Variants in GRIN1 observed in about 807,000 individuals in gnomAD.
The protein encoded by GRIN1 is glutamate receptor ionotropic, NMDA 1.
A neutral mutation model predicts 103.0 loss-of-function variants in GRIN1; 38 were observed. That is an observed-to-expected ratio of 0.37 (90% CI 0.28 to 0.48). GRIN1 has a LOEUF of 0.48. Ranked by LOEUF, GRIN1 falls within the 20% of genes least tolerant of loss-of-function variation. The pLI is 0.98. For missense variants in GRIN1, 577 were observed against 1,288.9 expected (o/e 0.45, Z 8.46); for synonymous variants, 544 against 532.7 (o/e 1.02, Z -0.29).
intron 4 of GRIN1, among the ~76,000 whole-genome samples, chr9:137,152,240 T>C (rs542808874): frequency 6.6e-6 from 1 of 152,320 alleles, no homozygotes; most frequent in Non-Finnish European, 1.5e-5. Context: ...CTGAATTGTT[T>C]ACACTTCCCT....
chr9:137,161,932 C>G lies in GRIN1; in HGVS notation c.1476C>G (p.Asn492Lys). 1 of 1,561,640 alleles carries G rather than the reference C, an allele frequency of 6.4e-7. No individual in the cohort carries two copies. Among genetic ancestry groups the G allele is most frequent in the South Asian group, 1.2e-5 (1 of 84,932 alleles). Reference protein sequence around the residue: ...GKFGTQERVNNSNKKEWNGMM... With the variant: ...GKFGTQERVNKSNKKEWNGMM... ...GCTCTGTCGCCTCGCAGGTGAACAA[C>G]AGCAACAAGAAGGAGTGGAATGGGA... Residue 492 changes from asparagine (N) to lysine (K), a missense_variant, in exon 11 of 20, where the codon AAC (asparagine) becomes AAG (lysine). Around this residue, in one of 9 missense-constraint regions of GRIN1, gnomAD observed 96 missense variants for 145.0 expected, o/e 0.66. Coordinates refer to ENST00000371561, the MANE Select transcript of GRIN1 (RefSeq NM_007327.4).
In GRIN1 at chr9:137,145,366, A is replaced by G. The variant is rs13299766; in HGVS notation, c.394-360A>G. The stretch of plus-strand genomic sequence containing the variant: ...GTCCAGAAAGTGTCCCCAGGGTGGT[A>G]GGGACAGGGGTGGGAGACACGAGGG... On this transcript the variant is annotated intron_variant, in intron 2 of 19. Coordinates refer to ENST00000371561, the MANE Select transcript of GRIN1 (RefSeq NM_007327.4). 1.1e-4 allele frequency among the ~76,000 whole-genome samples: 10 copies of G among 88,124 alleles called. No individual in the cohort carries two copies. The South Asian group carries it at 2.8e-3, about 25-fold the overall frequency. 57.8% of individuals were successfully genotyped at this position (88,124 alleles called of 152,430 possible).
chr9:137,165,438 A>AGCCC, intron 19 of GRIN1, 142 bp downstream of exon 19: 1 of 695,308 alleles, frequency 1.4e-6, no homozygotes, highest in East Asian at 2.7e-5. Flanking sequence ...CGCTCTGCCC[A>AGCCC]GCCCGCCCAT....
chr9:137,154,432 C>CTT lies in GRIN1; in HGVS notation c.672-2199_672-2198dup, dbSNP rs543160973. Among the ~76,000 whole-genome samples, 70 of 43,008 alleles carry CTT rather than the reference C, an allele frequency of 1.6e-3. 5 individuals are homozygous for CTT. Among genetic ancestry groups the CTT allele is most frequent in the East Asian group, 4.0e-3 (4 of 988 alleles). 28.2% of individuals were successfully genotyped at this position (43,008 alleles called of 152,430 possible). A position where few individuals can be genotyped will look rare whatever the true frequency, so the allele number is the denominator to read the frequency against. On this transcript the variant is annotated intron_variant, in intron 4 of 19. Coordinates refer to ENST00000371561, the MANE Select transcript of GRIN1 (RefSeq NM_007327.4). ...CAGCCACCACCCCCAGCTCCAACAA[C>CTT]TTTTTTTTTTTTTTTTTTTTTTTTT... is the stretch of plus-strand genomic sequence containing the variant.
Position 137,139,399 on chromosome 9 carries a change from G to A in GRIN1, c.-88G>A. ...GCGTCCGCAGCCCGCGGGGCCGGGC[G>A]AGCGCAGGACGGCCCGGAAGCCCCG... On this transcript the variant is annotated 5_prime_UTR_variant, in exon 1 of 20. Coordinates refer to ENST00000371561, the MANE Select transcript of GRIN1 (RefSeq NM_007327.4). This position sits in a 1 kb window ranked among gnomAD's most constrained non-coding sequence, Gnocchi z 7.7. 1.1e-6 allele frequency: 1 copy of A among 890,752 alleles called. No homozygotes were observed. The highest frequency in any genetic ancestry group is 5.4e-5 in the South Asian group (1 of 18,490). 55.2% of individuals were successfully genotyped at this position (890,752 alleles called of 1,614,324 possible). A position where few individuals can be genotyped will look rare whatever the true frequency, so the allele number is the denominator to read the frequency against.
At chr9:137,148,075 C>A in intron 3 of GRIN1, 1 of 993,188 alleles carries the variant, frequency 1.0e-6, no homozygotes. Context: ...GGTGTGATTG[C>A]TTTAGCGCCG....
chr9:137,161,800 C>A (rs1833567718), intron 10 of GRIN1, 124 bp from the exon 11 acceptor site: 3 of 1,009,440 alleles, frequency 3.0e-6, no homozygotes, highest in Non-Finnish European at 4.5e-6. Context: ...GTGGGGCCTG[C>A]GAGCTGGGTA....
chr9:137,168,438 C>A lies in GRIN1; in HGVS notation c.*911C>A. The stretch of plus-strand genomic sequence containing the variant: ...CCTCCAGACTCGAGAGGGCTGAGCC[C>A]CTCCTCTCCTCGTCCGGCCTGCAGC... On this transcript the variant is annotated 3_prime_UTR_variant, in exon 20 of 20. Transcript: ENST00000371561. 1.1e-5 allele frequency: 2 copies of A among 187,016 alleles called. No individual in the cohort carries two copies. Among genetic ancestry groups the A allele is most frequent in the Admixed American group, 6.1e-5 (1 of 16,280 alleles). 11.6% of individuals were successfully genotyped at this position (187,016 alleles called of 1,614,324 possible). A position where few individuals can be genotyped will look rare whatever the true frequency, so the allele number is the denominator to read the frequency against.
At chr9:137,151,873 C>T (rs1356449095) in intron 4 of GRIN1, among the ~76,000 whole-genome samples, 2 of 148,166 alleles carry the variant, frequency 1.3e-5, no homozygotes, top group Non-Finnish European at 3.0e-5. Flanking sequence ...ACCATGTTGG[C>T]CAGACTGGTC....
intron 2 of GRIN1, among the ~76,000 whole-genome samples, chr9:137,144,412 T>G (rs1025727350): frequency 1.3e-4 from 19 of 150,174 alleles, no homozygotes; most frequent in Non-Finnish European, 2.5e-4. Flanking sequence ...CCCAGCACTT[T>G]GGGAGGCCGA....
At position 137,165,295 on chromosome 9, in the gene GRIN1, C is replaced by T. The variant is rs767651510; in HGVS notation, c.2699C>T (p.Thr900Met). Residue 900 changes from threonine (T) to methionine (M), a missense_variant and splice_region_variant, in exon 19 of 20, where the codon ACG becomes ATG. Coordinates refer to ENST00000371561, the MANE Select transcript of GRIN1 (RefSeq NM_007327.4). ...AAGAGGCGTAGGTCCTCCAAAGACA[C>T]GGTAAGGGGGAGAGCACCCCAGTCC... is the stretch of plus-strand genomic sequence containing the variant. ...SFKRRRSSKD[T>M]STGGGRGALQ... The T allele has an allele frequency of 3.2e-6, 5 of 1,586,764 alleles. No homozygotes were observed. The highest frequency in any genetic ancestry group is 1.3e-5 in the African/African-American group (1 of 74,358).
At chr9:137,152,891 A>G (rs866369014) in intron 4 of GRIN1, among the ~76,000 whole-genome samples, 1 of 152,072 alleles carries the variant, frequency 6.6e-6, no homozygotes, top group African/African-American at 2.4e-5. Context: ...TGTACAGGTC[A>G]TACACAACAC....
rs1832042918 is a variant in GRIN1, at chr9:137,139,429, G to A, written c.-58G>A. On this transcript the variant is annotated 5_prime_UTR_variant, in exon 1 of 20. Coordinates refer to ENST00000371561, the MANE Select transcript of GRIN1 (RefSeq NM_007327.4). The surrounding 1 kb of genome is among the most constrained non-coding windows in gnomAD (Gnocchi z 7.7). ...CAGGACGGCCCGGAAGCCCCGCGGG[G>A]GATGCGCCGAGGGCCCCGCGTTCGC... 2 of 1,322,766 alleles carry A rather than the reference G, an allele frequency of 1.5e-6. No homozygotes were observed. Among genetic ancestry groups the A allele is most frequent in the African/African-American group, 3.1e-5 (2 of 64,756 alleles). The allele number at this position is 1,322,766 out of a possible 1,614,324, so 81.9% of individuals were successfully genotyped here.
chr9:137,157,074 C>T (rs1393837107), intron 6 of GRIN1, 37 bp downstream of exon 6: 1 of 965,234 alleles, frequency 1.0e-6, no homozygotes, highest in Non-Finnish European at 1.4e-6. Context: ...CGGGGCTGCT[C>T]TTGGGGAGGT....
chr9:137,139,884 G>A lies in GRIN1; in HGVS notation c.258+140G>A. 1 of 718,176 alleles carries A rather than the reference G, an allele frequency of 1.4e-6. No individual in the cohort carries two copies. The allele number at this position is 718,176 out of a possible 1,614,324, so 44.5% of individuals were successfully genotyped here. On this transcript the variant is annotated intron_variant, in intron 1 of 19. Coordinates refer to ENST00000371561, the MANE Select transcript of GRIN1 (RefSeq NM_007327.4). The surrounding 1 kb of genome is among the most constrained non-coding windows in gnomAD (Gnocchi z 7.7). The stretch of plus-strand genomic sequence containing the variant: ...AGAGTCAGCTGGCTGCTTCCGGGAG[G>A]CCTCGTCTCACTAGGAACCAAACAC...
At chr9:137,141,296 C>T (rs1375721453) in intron 1 of GRIN1, among the ~76,000 whole-genome samples, 1 of 152,154 alleles carries the variant, frequency 6.6e-6, no homozygotes, top group Non-Finnish European at 1.5e-5. Context: ...TGCCTGCCTC[C>T]CTGCCTTGGG....
chr9:137,148,354 G>A (rs1314601775), intron 3 of GRIN1: 11 of 635,982 alleles, frequency 1.7e-5, no homozygotes, highest in Non-Finnish European at 3.0e-5. Flanking sequence ...GCAGGCAGGA[G>A]AGGGCAGGCA....
intron 12 of GRIN1, 30 bp downstream of exon 12, chr9:137,162,320 C>T (rs1467506974): frequency 6.5e-6 from 10 of 1,547,566 alleles, no homozygotes; most frequent in Non-Finnish European, 7.8e-6. Context: ...CAGACACCTC[C>T]ATCTGCGGGG....
In GRIN1 at chr9:137,144,680, A is replaced by C. The variant is rs559701128; in HGVS notation, c.394-1046A>C. ...AAAGTGTCCCCAGGGTGGTGGGGAC[A>C]GGGGTGGGAGACAGGAGGGGGTCCC... On this transcript the variant is annotated intron_variant, in intron 2 of 19. Transcript: ENST00000371561. Among the ~76,000 whole-genome samples the C allele has an allele frequency of 1.4e-4, 20 of 145,776 alleles. 1 individual carries two copies. In the East Asian group the frequency reaches 3.0e-3, roughly 22 times the overall value.
Sources: gnomAD v4.1 joint callset for allele counts (sites outside exome capture counted in the v4.1 genomes callset) on GRCh38, gnomAD v4.1.1 for gene constraint, gnomAD v4.1.1 regional missense constraint, Gnocchi (gnomAD v3.1) non-coding constraint, MANE v1.5 for transcripts, NCBI Gene and HGNC (gene_info 2026-07-23, HGNC 2026-07-21) for gene names.